The following ARHGAP8 variants were observed in gnomAD, a reference collection of about 807,000 sequenced individuals.
ARHGAP8 encodes the protein Rho GTPase activating protein 8.
Under a neutral mutation model 46.1 loss-of-function variants are expected in ARHGAP8, and 62 were observed. That is an observed-to-expected ratio of 1.34 (90% CI 1.10 to 1.66). The LOEUF is 1.66. Among genes scored for constraint, ARHGAP8 ranks in the 40% most tolerant of loss-of-function variants. ARHGAP8 has a pLI of 0.00. For synonymous variants in ARHGAP8, 375 were observed against 243.1 expected, an observed-to-expected ratio of 1.54 and a Z score of -5.05; for missense variants, 923 against 568.4, an observed-to-expected ratio of 1.62 and a Z score of -6.34.
chr22:44,850,481 C>T (rs2070066137), intron 10 of ARHGAP8: 2 of 152,190 alleles, frequency 1.3e-5, no homozygotes, highest in South Asian at 4.1e-4. Context: ...AGGCTGTGTC[C>T]TAGAGAGAAG....
chr22:44,805,298 CG>C (rs1928850472), intron 3 of ARHGAP8, among the ~76,000 whole-genome samples: 1 of 152,074 alleles, frequency 6.6e-6, no homozygotes, highest in Non-Finnish European at 1.5e-5. Context: ...TGCCGGGTAC[CG>C]GGAGTGTGAT....
At chr22:44,769,595 A>G (rs1925848987) in intron 1 of ARHGAP8, among the ~76,000 whole-genome samples, 1 of 152,198 alleles carries the variant, frequency 6.6e-6, no homozygotes, top group Non-Finnish European at 1.5e-5. Context: ...GGAGTGTGAT[A>G]TATTTCCCTG....
intron 1 of ARHGAP8, among the ~76,000 whole-genome samples, chr22:44,763,342 T>C (rs1925287145): frequency 2.0e-5 from 3 of 151,042 alleles, no homozygotes; most frequent in Non-Finnish European, 4.4e-5. Context: ...ACTAAAAATA[T>C]AAAAATCAGC....
At chr22:44,839,404 T>C (rs1602249009) in intron 7 of ARHGAP8, among the ~76,000 whole-genome samples, 1 of 140,682 alleles carries the variant, frequency 7.1e-6, no homozygotes, top group East Asian at 1.9e-4. Context: ...CTTATGGCTG[T>C]GGACAGAGTT....
At chr22:44,757,813 T>C (rs2146984467) in intron 1 of ARHGAP8, among the ~76,000 whole-genome samples, 1 of 151,198 alleles carries the variant, frequency 6.6e-6, no homozygotes, top group East Asian at 1.9e-4. Context: ...TAATTTTTTT[T>C]TTTTTTTTTT....
chr22:44,823,521 C>T (rs149653322), intron 6 of ARHGAP8, among the ~76,000 whole-genome samples: 19 of 152,006 alleles, frequency 1.2e-4, no homozygotes, highest in African/African-American at 3.6e-4. Flanking sequence ...CACCTTGGGC[C>T]GGGAGTCCTT....
rs186352500 is a variant in ARHGAP8 at position 44,797,036 on chromosome 22, T to C, written c.80-5041T>C. ...GCATAGACCTCCCATTTCCCCCGGA[T>C]CCCTTTCCCCTGGACCCTGGGGCCT... On this transcript the variant is annotated intron_variant, in intron 2 of 11. Coordinates refer to ENST00000356099, the MANE Select transcript of ARHGAP8 (RefSeq NM_181335.3). Among the ~76,000 whole-genome samples, 39 of 152,186 alleles carry C rather than the reference T, an allele frequency of 2.6e-4. 1 individual carries two copies. The highest frequency in any genetic ancestry group is 9.4e-4 in the African/African-American group (39 of 41,526).
intron 1 of ARHGAP8, among the ~76,000 whole-genome samples, chr22:44,758,364 G>T (rs1400555859): frequency 6.6e-6 from 1 of 152,180 alleles, no homozygotes; most frequent in Non-Finnish European, 1.5e-5. Flanking sequence ...AGAGGTTGCA[G>T]TGAGCCAAGA....
intron 7 of ARHGAP8, among the ~76,000 whole-genome samples, chr22:44,830,489 C>A (rs556168134): frequency 6.9e-6 from 1 of 145,776 alleles, no homozygotes; most frequent in Non-Finnish European, 1.5e-5. Context: ...TGCCACCATG[C>A]GAGCTAAATT....
intron 7 of ARHGAP8, among the ~76,000 whole-genome samples, chr22:44,827,020 G>A (rs958186920): frequency 1.3e-5 from 2 of 152,178 alleles, no homozygotes; most frequent in Admixed American, 6.5e-5. Context: ...CATGGCAAAA[G>A]GGGCTTGGCA....
intron 3 of ARHGAP8, among the ~76,000 whole-genome samples, chr22:44,806,034 C>T (rs1289173324): frequency 6.6e-6 from 1 of 152,198 alleles, no homozygotes; most frequent in Non-Finnish European, 1.5e-5. Context: ...CCTGCTTTTA[C>T]AAGGAGGCGC....
At chr22:44,806,974 G>A (rs867952595) in intron 3 of ARHGAP8, among the ~76,000 whole-genome samples, 85 of 143,420 alleles carry the variant, frequency 5.9e-4, no homozygotes, top group African/African-American at 1.7e-3. Flanking sequence ...AAAAAAAAAA[G>A]AAATCAAACG....
intron 7 of ARHGAP8, among the ~76,000 whole-genome samples, chr22:44,829,297 GAA>G (rs71188490): frequency 7.5e-6 from 1 of 133,330 alleles, no homozygotes; most frequent in Non-Finnish European, 1.6e-5. Context: ...TCTCAAAAAA[GAA>G]AAAAAAAAAA....
At chr22:44,844,188 G>T (rs1432606247) in intron 7 of ARHGAP8, among the ~76,000 whole-genome samples, 1 of 151,774 alleles carries the variant, frequency 6.6e-6, no homozygotes, top group Non-Finnish European at 1.5e-5. Flanking sequence ...GCCAGGCTAG[G>T]CTTGAACTCC....
At chr22:44,801,139 G>GA (rs1928493499) in intron 2 of ARHGAP8, among the ~76,000 whole-genome samples, 1 of 51,856 alleles carries the variant, frequency 1.9e-5, no homozygotes, top group African/African-American at 1.1e-4. Flanking sequence ...CTGTCCATGT[G>GA]TGGGGGCACC....
At chr22:44,854,571 C>T (rs2070176638) in intron 10 of ARHGAP8, among the ~76,000 whole-genome samples, 1 of 151,934 alleles carries the variant, frequency 6.6e-6, no homozygotes, top group African/African-American at 2.4e-5. Context: ...CTAGTAAGCC[C>T]AACTACATAA....
intron 5 of ARHGAP8, among the ~76,000 whole-genome samples, chr22:44,819,953 G>C (rs188541105): frequency 0.014 from 2,097 of 152,310 alleles, 26 homozygotes; most frequent in Non-Finnish European, 0.019. Context: ...CATAGGAATT[G>C]GGCTGGGGCT....
In ARHGAP8 at chr22:44,845,368, A is replaced by G. The variant is rs747821034; in HGVS notation, c.670+26A>G. Reference sequence around the variant, plus strand: ...GTGAGACGGGGCCGGCTCCAGCTGGATGACGTGAGGGCTGCTGGGTGCACC... The same window carrying G: ...GTGAGACGGGGCCGGCTCCAGCTGGGTGACGTGAGGGCTGCTGGGTGCACC... On this transcript the variant is annotated intron_variant, in intron 8 of 11. Transcript: ENST00000356099. The G allele has an allele frequency of 1.9e-6, 3 of 1,613,732 alleles. 1 individual carries two copies. The highest frequency in any genetic ancestry group is 8.5e-7 in the Non-Finnish European group (1 of 1,179,910).
At chr22:44,798,064 C>T (rs973075090) in intron 2 of ARHGAP8, among the ~76,000 whole-genome samples, 1 of 151,302 alleles carries the variant, frequency 6.6e-6, no homozygotes, top group Non-Finnish European at 1.5e-5. Context: ...GCAACCTCCA[C>T]CTCCCGAGTT....
Sources: gnomAD v4.1 joint callset for allele counts (sites outside exome capture counted in the v4.1 genomes callset) on GRCh38, gnomAD v4.1.1 for gene constraint, MANE v1.5 for transcripts, NCBI Gene and HGNC (gene_info 2026-07-23, HGNC 2026-07-21) for gene names.